AK5: variants seen among roughly 807,000 people sequenced by gnomAD.
AK5 encodes the protein adenylate kinase isoenzyme 5.
A neutral mutation model predicts 69.5 loss-of-function variants in AK5; 27 were observed. The observed-to-expected ratio is 0.39, with a 90% CI of 0.29 to 0.54. The LOEUF (loss-of-function observed/expected upper bound fraction) is 0.54, where lower values mean the gene tolerates loss of function less well. Among genes scored for constraint, AK5 ranks in the 20% least tolerant of loss-of-function variants. The pLI, the probability that AK5 is intolerant of heterozygous loss-of-function variation, is 0.71. For missense variants in AK5, 531 were observed against 700.4 expected (o/e 0.76, Z 2.73); for synonymous variants, 260 against 244.4 (o/e 1.06, Z -0.60).
intron 13 of AK5, among the ~76,000 whole-genome samples, chr1:77,541,478 C>A (rs914595684): frequency 6.6e-6 from 1 of 152,210 alleles, no homozygotes; most frequent in African/African-American, 2.4e-5. Flanking sequence ...CAGAGGCAAA[C>A]ATTGTGGGGC....
chr1:77,421,182 C>T (rs1157628236), intron 8 of AK5, among the ~76,000 whole-genome samples: 1 of 152,210 alleles, frequency 6.6e-6, no homozygotes, highest in Non-Finnish European at 1.5e-5. Context: ...TAGCTTTCAA[C>T]ATTTCTAGAG....
intron 5 of AK5, among the ~76,000 whole-genome samples, chr1:77,328,225 G>A (rs1339145533): frequency 6.6e-6 from 1 of 152,190 alleles, no homozygotes; most frequent in Non-Finnish European, 1.5e-5. Context: ...TTCAGGCCAG[G>A]TGCAGTGGCT....
At chr1:77,429,012 G>C (rs972125325) in intron 8 of AK5, among the ~76,000 whole-genome samples, 1 of 152,116 alleles carries the variant, frequency 6.6e-6, no homozygotes, top group Non-Finnish European at 1.5e-5. Context: ...TTGGACATTT[G>C]GGTTGGTTCC....
intron 5 of AK5, among the ~76,000 whole-genome samples, chr1:77,330,943 A>G (rs561946137): frequency 2.6e-5 from 4 of 152,228 alleles, no homozygotes; most frequent in African/African-American, 9.6e-5. Flanking sequence ...AGGTAATTAA[A>G]TGACTTTTTA....
At chr1:77,413,421 A>G (rs1650180089) in intron 7 of AK5, among the ~76,000 whole-genome samples, 1 of 152,126 alleles carries the variant, frequency 6.6e-6, no homozygotes, top group South Asian at 2.1e-4. Flanking sequence ...AGGCCCTTGA[A>G]TAGCACCCTG....
intron 12 of AK5, among the ~76,000 whole-genome samples, chr1:77,524,240 A>G (rs1190908158): frequency 6.6e-6 from 1 of 152,210 alleles, no homozygotes. Context: ...TGTTGCCATG[A>G]CTACATGTGT....
chr1:77,308,103 A>G (rs1335182484), intron 5 of AK5, among the ~76,000 whole-genome samples: 1 of 152,156 alleles, frequency 6.6e-6, no homozygotes, highest in African/African-American at 2.4e-5. Context: ...GAGGTGGGAA[A>G]TGTGATCAAG....
At chr1:77,358,018 T>TGAGAGA (rs1553138076) in intron 6 of AK5, among the ~76,000 whole-genome samples, 6 of 128,272 alleles carry the variant, frequency 4.7e-5, no homozygotes, top group African/African-American at 1.4e-4. Flanking sequence ...TGTGTGTGTG[T>TGAGAGA]GAGAGAGAGA....
chr1:77,471,270 A>C (rs1165729544), intron 8 of AK5, among the ~76,000 whole-genome samples: 1 of 152,092 alleles, frequency 6.6e-6, no homozygotes, highest in South Asian at 2.1e-4. Context: ...TTCTAGCTCT[A>C]TGATTGAGGC....
At chr1:77,425,090 A>T (rs1451213494) in intron 8 of AK5, among the ~76,000 whole-genome samples, 1 of 152,222 alleles carries the variant, frequency 6.6e-6, no homozygotes, top group African/African-American at 2.4e-5. Flanking sequence ...GAAACTTTGC[A>T]TGCAGGAAGA....
At chr1:77,391,440 CATATATGTGTGTGTATATATATAT>C (rs1557554043) in intron 6 of AK5, among the ~76,000 whole-genome samples, 9 of 104,174 alleles carry the variant, frequency 8.6e-5, no homozygotes, top group African/African-American at 3.5e-4. Flanking sequence ...TACATATATA[CATATATGTGTGTGTATATATATAT>C]ACACATATGT....
chr1:77,380,403 G>C (rs1449116887), intron 6 of AK5, among the ~76,000 whole-genome samples: 1 of 152,150 alleles, frequency 6.6e-6, no homozygotes, highest in Non-Finnish European at 1.5e-5. Context: ...TTAAGTGATA[G>C]AGCCAGGACT....
At chr1:77,388,581 T>C (rs1369836457) in intron 6 of AK5, among the ~76,000 whole-genome samples, 1 of 151,954 alleles carries the variant, frequency 6.6e-6, no homozygotes, top group Admixed American at 6.6e-5. Flanking sequence ...TTGTTGTTGT[T>C]GTTGTTGTTT....
chr1:77,365,955 C>G (rs550262240), intron 6 of AK5, among the ~76,000 whole-genome samples: 1 of 152,196 alleles, frequency 6.6e-6, no homozygotes, highest in African/African-American at 2.4e-5. Flanking sequence ...CATGTAATGG[C>G]ACTGCTTGGG....
At chr1:77,371,855 G>A (rs182743018) in intron 6 of AK5, among the ~76,000 whole-genome samples, 1 of 152,240 alleles carries the variant, frequency 6.6e-6, no homozygotes, top group Non-Finnish European at 1.5e-5. Context: ...AACACTCCTT[G>A]GAAAGATCCA....
chr1:77,406,688 A>G (rs1051603035), intron 6 of AK5, among the ~76,000 whole-genome samples: 1 of 129,820 alleles, frequency 7.7e-6, no homozygotes, highest in African/African-American at 3.3e-5. Context: ...CACATGAGGA[A>G]ATTGCCTGAT....
At chr1:77,433,637 T>G (rs993515125) in intron 8 of AK5, among the ~76,000 whole-genome samples, 2 of 152,184 alleles carry the variant, frequency 1.3e-5, no homozygotes, top group Non-Finnish European at 2.9e-5. Context: ...GAAGAAAAAG[T>G]AAATGCTTTC....
chr1:77,464,409 T>G (rs1189323499), intron 8 of AK5, among the ~76,000 whole-genome samples: 1 of 152,194 alleles, frequency 6.6e-6, no homozygotes, highest in Non-Finnish European at 1.5e-5. Context: ...TTCAGTACGA[T>G]GTGATGTGCA....
intron 8 of AK5, among the ~76,000 whole-genome samples, chr1:77,434,891 T>A (rs1003886333): frequency 3.9e-5 from 6 of 152,144 alleles, no homozygotes; most frequent in African/African-American, 1.4e-4. Context: ...AGAAAACTAG[T>A]ACCTTGAGCA....
Sources: gnomAD v4.1 joint callset for allele counts (sites outside exome capture counted in the v4.1 genomes callset) on GRCh38, gnomAD v4.1.1 for gene constraint, MANE v1.5 for transcripts, NCBI Gene and HGNC (gene_info 2026-07-23, HGNC 2026-07-21) for gene names.